Variants in B3GALT1 observed in about 807,000 individuals in gnomAD.
The protein encoded by B3GALT1 is UDP-Gal:betaGlcNAc beta 1,3-galactosyltransferase, polypeptide 1.
B3GALT1 carries 10 observed loss-of-function variants against 23.2 expected under a neutral mutation model. That is an observed-to-expected ratio of 0.43 (90% CI 0.27 to 0.73). The LOEUF is 0.73. B3GALT1 is among the 30% of genes least tolerant of loss of function. The pLI is 0.21. For missense variants in B3GALT1, 299 were observed against 405.4 expected, an observed-to-expected ratio of 0.74 and a Z score of 2.25; for synonymous variants, 156 against 141.5, an observed-to-expected ratio of 1.10 and a Z score of -0.73.
intron 3 of B3GALT1, among the ~76,000 whole-genome samples, chr2:167,732,957 A>G (rs576487151): frequency 6.6e-6 from 1 of 152,328 alleles, no homozygotes; most frequent in East Asian, 1.9e-4. Flanking sequence ...ACAATATCCT[A>G]TGAGACAGAT....
At chr2:167,542,988 G>C (rs1683558757) in intron 2 of B3GALT1, among the ~76,000 whole-genome samples, 1 of 152,012 alleles carries the variant, frequency 6.6e-6, no homozygotes, top group South Asian at 2.1e-4. Context: ...ATTCTTATAT[G>C]AGATTTCCTA....
At chr2:167,762,643 GC>G (rs1197467658) in intron 3 of B3GALT1, among the ~76,000 whole-genome samples, 12 of 151,898 alleles carry the variant, frequency 7.9e-5, no homozygotes, top group African/African-American at 2.9e-4. Context: ...GCTAATTCTT[GC>G]TTAATGATTT....
At position 167,792,061 on chromosome 2, in the gene B3GALT1, G is replaced by A. The variant is rs1688446209; in HGVS notation, c.-351-26611G>A. 4.0e-5 allele frequency among the ~76,000 whole-genome samples: 6 copies of A among 149,184 alleles called. No individual in the cohort carries two copies. In the South Asian group the frequency reaches 1.3e-3, roughly 32 times the overall value. ...ATTCCTGAACGATTTTCCAAAACAA[G>A]TGCAAATCTAAAAAAAAAAAGAACA... On this transcript the variant is annotated intron_variant, in intron 3 of 4. Coordinates refer to ENST00000392690, the MANE Select transcript of B3GALT1 (RefSeq NM_020981.4).
intron 1 of B3GALT1, among the ~76,000 whole-genome samples, chr2:167,312,004 A>G (rs889316460): frequency 6.6e-6 from 1 of 151,976 alleles, no homozygotes; most frequent in Admixed American, 6.6e-5. Context: ...AACCACACTT[A>G]GGTACATCAT....
intron 2 of B3GALT1, among the ~76,000 whole-genome samples, chr2:167,570,805 G>A (rs1012774236): frequency 6.6e-6 from 1 of 151,872 alleles, no homozygotes; most frequent in Non-Finnish European, 1.5e-5. Context: ...ATCATATAGT[G>A]AGCTTGGAAA....
intron 2 of B3GALT1, among the ~76,000 whole-genome samples, chr2:167,548,365 C>A (rs1400610594): frequency 6.6e-6 from 1 of 152,210 alleles, no homozygotes; most frequent in African/African-American, 2.4e-5. Context: ...ATCTCTTTCT[C>A]TCTCATAAAT....
chr2:167,588,457 A>G (rs1194622451), intron 2 of B3GALT1, among the ~76,000 whole-genome samples: 1 of 152,182 alleles, frequency 6.6e-6, no homozygotes, highest in East Asian at 1.9e-4. Flanking sequence ...TATACATATT[A>G]TTAAATCCCT....
intron 2 of B3GALT1, among the ~76,000 whole-genome samples, chr2:167,554,361 G>C (rs893794198): frequency 6.6e-6 from 1 of 152,184 alleles, no homozygotes; most frequent in African/African-American, 2.4e-5. Flanking sequence ...AAGGAAGAGT[G>C]ATTGATAAGG....
At position 167,544,618 on chromosome 2, in the gene B3GALT1, C is replaced by T. The variant is rs117693962; in HGVS notation, c.-410+54341C>T. ...GGACGGATATTTAATGGCCAGATAACAGCGTTAACCACAAGGATGCAGCAG... is the reference window on the plus strand; with the variant it reads ...GGACGGATATTTAATGGCCAGATAATAGCGTTAACCACAAGGATGCAGCAG... On this transcript the variant is annotated intron_variant, in intron 2 of 4. Transcript: ENST00000392690. Among the ~76,000 whole-genome samples, 442 of 152,168 alleles carry T rather than the reference C, an allele frequency of 2.9e-3. 14 individuals carry two copies. In the East Asian group the frequency reaches 0.065, roughly 22 times the overall value.
At chr2:167,686,891 T>G (rs1686625864) in intron 3 of B3GALT1, among the ~76,000 whole-genome samples, 2 of 152,328 alleles carry the variant, frequency 1.3e-5, no homozygotes, top group South Asian at 2.1e-4. Flanking sequence ...CCTCTGCTGA[T>G]TCCTGTAACG....
chr2:167,465,902 T>C (rs550369438), intron 1 of B3GALT1, among the ~76,000 whole-genome samples: 3 of 152,242 alleles, frequency 2.0e-5, no homozygotes, highest in East Asian at 1.9e-4. Context: ...GTTTTTTTTT[T>C]TCCCCCTCCA....
chr2:167,459,091 T>C (rs188776489), intron 1 of B3GALT1, among the ~76,000 whole-genome samples: 1 of 152,306 alleles, frequency 6.6e-6, no homozygotes, highest in East Asian at 1.9e-4. Flanking sequence ...TTTTGACTGA[T>C]ATTATTTCAT....
intron 4 of B3GALT1, among the ~76,000 whole-genome samples, chr2:167,820,481 G>A (rs530343224): frequency 1.3e-5 from 2 of 152,302 alleles, no homozygotes; most frequent in South Asian, 2.1e-4. Context: ...TTTAATTGCT[G>A]TTGCAGGACT....
intron 3 of B3GALT1, among the ~76,000 whole-genome samples, chr2:167,800,410 A>T (rs959392769): frequency 6.6e-6 from 1 of 152,144 alleles, no homozygotes; most frequent in East Asian, 1.9e-4. Context: ...CTCCCACCTG[A>T]ACTACCCTCC....
chr2:167,462,951 C>T (rs189680852), intron 1 of B3GALT1, among the ~76,000 whole-genome samples: 189 of 152,142 alleles, frequency 1.2e-3, no homozygotes, highest in Admixed American at 2.9e-3. Context: ...TGTTCTGTGG[C>T]ACTTTTCCTC....
At chr2:167,696,667 C>A (rs1686796646) in intron 3 of B3GALT1, among the ~76,000 whole-genome samples, 1 of 152,116 alleles carries the variant, frequency 6.6e-6, no homozygotes, top group Non-Finnish European at 1.5e-5. Flanking sequence ...CAAATTATAT[C>A]CGAACAGAAG....
At chr2:167,716,419 T>A (rs1687148497) in intron 3 of B3GALT1, among the ~76,000 whole-genome samples, 1 of 152,266 alleles carries the variant, frequency 6.6e-6, no homozygotes, top group South Asian at 2.1e-4. Flanking sequence ...GGATTAAACC[T>A]TTGATCATTA....
intron 3 of B3GALT1, among the ~76,000 whole-genome samples, chr2:167,745,355 C>G (rs779544844): frequency 1.1e-4 from 17 of 152,226 alleles, no homozygotes; most frequent in Non-Finnish European, 1.6e-4. Flanking sequence ...TATGTAGACA[C>G]TGTTTATTAT....
At chr2:167,597,255 A>G (rs1350589266) in intron 2 of B3GALT1, among the ~76,000 whole-genome samples, 1 of 151,846 alleles carries the variant, frequency 6.6e-6, no homozygotes. Context: ...AGCTGGGACT[A>G]CAGGCGCCAG....
Sources: gnomAD v4.1 joint callset for allele counts (sites outside exome capture counted in the v4.1 genomes callset) on GRCh38, gnomAD v4.1.1 for gene constraint, MANE v1.5 for transcripts, NCBI Gene and HGNC (gene_info 2026-07-23, HGNC 2026-07-21) for gene names.